CD8A: variants seen among roughly 807,000 people sequenced by gnomAD.
CD8A encodes the protein T-cell surface glycoprotein CD8 alpha chain.
Under a neutral mutation model 24.2 loss-of-function variants are expected in CD8A, and 25 were observed. The observed-to-expected ratio is 1.03, with a 90% confidence interval of 0.75 to 1.44. The LOEUF is 1.44. Ranked by LOEUF, CD8A falls within the 40% of genes most tolerant of loss-of-function variation. The pLI is 0.00. For missense variants in CD8A, 360 were observed against 319.7 expected (o/e 1.13, Z -0.96); for synonymous variants, 165 against 149.9 (o/e 1.10, Z -0.74).
Position 86,789,707 on chromosome 2 carries a change from C to A in CD8A, c.447G>T (p.Ala149=). 1 of 1,392,204 alleles carries A rather than the reference C, an allele frequency of 7.2e-7. No individual in the cohort carries two copies. 86.2% of individuals were successfully genotyped at this position (1,392,204 alleles called of 1,614,324 possible). The change falls in exon 3 of 6, where the codon GCG becomes GCT. Residue 149 remains alanine (A), a synonymous_variant. Coordinates refer to ENST00000283635, the MANE Select transcript of CD8A (RefSeq NM_001768.7). ...TTPAPRPPTP[A]PTIASQPLSL... is the part of the protein sequence containing the mutation. ...ACAGGGGCTGCGACGCGATGGTGGGCGCCGGTGTTGGTGGTCGCGGCGCTG... is the reference window on the plus strand; with the variant it reads ...ACAGGGGCTGCGACGCGATGGTGGGAGCCGGTGTTGGTGGTCGCGGCGCTG...
chr2:86,786,130 C>T (rs1473991219), intron 5 of CD8A, among the ~76,000 whole-genome samples, 159 bp from the exon 6 acceptor site: 1 of 152,248 alleles, frequency 6.6e-6, no homozygotes. Flanking sequence ...CAGCACAGCA[C>T]CCGTGCTAAA....
At position 86,790,423 on chromosome 2, in the gene CD8A, C is replaced by T. The variant is rs1298269444; in HGVS notation, c.308G>A (p.Ser103Asn). The T allele has an allele frequency of 6.2e-7, 1 of 1,614,050 alleles. No homozygotes were observed. The highest frequency in any genetic ancestry group is 1.3e-5 in the African/African-American group (1 of 74,938). ...GCCCTCGTTCTCTCGGCGGAAGTCG[C>T]TCAGGGTGAGGACGAAGGTGTCCCC... ...RLGDTFVLTL[S>N]DFRRENEGYY... is the part of the protein sequence containing the mutation. The change falls in exon 2 of 6, where the codon AGC becomes AAC. Residue 103 changes from serine (S) to asparagine (N), a missense_variant. Transcript: ENST00000283635.
At chr2:86,788,979 C>T (rs942114787) in intron 4 of CD8A, among the ~76,000 whole-genome samples, 5 of 152,306 alleles carry the variant, frequency 3.3e-5, no homozygotes, top group Admixed American at 2.0e-4. Context: ...TTTGACTAAC[C>T]CTCCTGGGCA....
intron 3 of CD8A, among the ~76,000 whole-genome samples, chr2:86,796,840 C>T (rs1016928223): frequency 8.5e-5 from 13 of 152,178 alleles, no homozygotes; most frequent in African/African-American, 2.4e-4. Flanking sequence ...GGTATGATGG[C>T]CTAACTAACC....
chr2:86,808,031 T>G (rs572854849), intron 1 of CD8A: 10 of 152,364 alleles, frequency 6.6e-5, no homozygotes, highest in African/African-American at 1.9e-4. Flanking sequence ...AGCCGCTCAT[T>G]CTGCGCAAAT....
In CD8A at chr2:86,785,708, G is replaced by A. The variant is rs764718190; in HGVS notation, c.*212C>T. The A allele has an allele frequency of 2.8e-6, 2 of 713,992 alleles. No individual in the cohort carries two copies. The highest frequency in any genetic ancestry group is 1.5e-5 in the South Asian group (1 of 68,664). 44.2% of individuals were successfully genotyped at this position (713,992 alleles called of 1,614,324 possible). ...ACCGCGATGTGCGCACAACAGTATTGTGACCCTTGTGGTGTACTGTAGATT... is the reference window on the plus strand; with the variant it reads ...ACCGCGATGTGCGCACAACAGTATTATGACCCTTGTGGTGTACTGTAGATT... On this transcript the variant is annotated 3_prime_UTR_variant, in exon 6 of 6. Transcript: ENST00000283635.
In CD8A at chr2:86,789,631, A is replaced by C. The variant is rs1393330896; in HGVS notation, c.514+9T>G. 5 of 1,491,416 alleles carry C rather than the reference A, an allele frequency of 3.4e-6. No individual in the cohort carries two copies. Among genetic ancestry groups the C allele is most frequent in the Non-Finnish European group, 4.5e-6 (5 of 1,121,858 alleles). The allele number at this position is 1,491,416 out of a possible 1,614,324, so 92.4% of individuals were successfully genotyped here. Reference sequence around the variant, plus strand: ...TGCCGCCCCCGCCCCGGGCCCCCGCACGCCTCACCTGCGCCCCCCGCCGCT... The same window carrying C: ...TGCCGCCCCCGCCCCGGGCCCCCGCCCGCCTCACCTGCGCCCCCCGCCGCT... On this transcript the variant is annotated intron_variant, in intron 3 of 5. Transcript: ENST00000283635.
intron 3 of CD8A, among the ~76,000 whole-genome samples, chr2:86,799,835 CCTCTA>C (rs1453207266): frequency 1.3e-5 from 2 of 152,122 alleles, no homozygotes; most frequent in Non-Finnish European, 2.9e-5. Context: ...GGGCCTCATC[CCTCTA>C]CTCAGCTCTC....
chr2:86,795,669 T>C (rs562530836), upstream of CD8A, among the ~76,000 whole-genome samples: 14 of 152,244 alleles, frequency 9.2e-5, no homozygotes, highest in Non-Finnish European at 1.8e-4. Flanking sequence ...AGTTTCACAG[T>C]GCTTTGCCTA....
At chr2:86,802,810 C>T (rs1466856420) in intron 2 of CD8A, among the ~76,000 whole-genome samples, 2 of 152,036 alleles carry the variant, frequency 1.3e-5, no homozygotes, top group Non-Finnish European at 2.9e-5. Flanking sequence ...GGGATTTCAC[C>T]CCTTTGGCCA....
intron 4 of CD8A, among the ~76,000 whole-genome samples, chr2:86,789,119 C>T (rs1673151268): frequency 1.3e-5 from 2 of 152,218 alleles, no homozygotes; most frequent in South Asian, 4.1e-4. Flanking sequence ...CTTTGTCTCC[C>T]AAAACCTCTC....
chr2:86,799,624 C>T (rs1321258668), intron 3 of CD8A, among the ~76,000 whole-genome samples: 2 of 152,106 alleles, frequency 1.3e-5, no homozygotes, highest in African/African-American at 2.4e-5. Context: ...GGCACGGTGG[C>T]GGGCGCCTGT....
intron 3 of CD8A, among the ~76,000 whole-genome samples, chr2:86,798,636 T>C (rs34256565): frequency 0.2 from 30,415 of 151,986 alleles, 3,300 homozygotes; most frequent in Non-Finnish European, 0.25. Context: ...AATTCTCCTG[T>C]CTCAGCCTCC....
At chr2:86,799,522 C>T (rs188498566) in intron 3 of CD8A, among the ~76,000 whole-genome samples, 6 of 151,538 alleles carry the variant, frequency 4.0e-5, no homozygotes, top group Admixed American at 6.6e-5. Flanking sequence ...TTTGGAAGGC[C>T]GAGGTGGGCG....
At chr2:86,786,565 C>T (rs571589717) in intron 5 of CD8A, among the ~76,000 whole-genome samples, 3 of 152,254 alleles carry the variant, frequency 2.0e-5, no homozygotes, top group South Asian at 2.1e-4. Context: ...TATATTAACT[C>T]GGGTGTTGGA....
At chr2:86,797,078 G>C (rs1185796863) in intron 3 of CD8A, among the ~76,000 whole-genome samples, 1 of 152,226 alleles carries the variant, frequency 6.6e-6, no homozygotes, top group Non-Finnish European at 1.5e-5. Flanking sequence ...GTGAGCAGAA[G>C]GACCTAGATG....
chr2:86,785,614 G>T lies in CD8A; in HGVS notation c.*306C>A, dbSNP rs1672965222. 3 of 600,084 alleles carry T rather than the reference G, an allele frequency of 5.0e-6. No individual in the cohort carries two copies. The East Asian group carries it at 1.1e-4, about 21-fold the overall frequency. 37.2% of individuals were successfully genotyped at this position (600,084 alleles called of 1,614,324 possible). A position where few individuals can be genotyped will look rare whatever the true frequency, so the allele number is the denominator to read the frequency against. The stretch of plus-strand genomic sequence containing the variant: ...GGGAAGAGGTTGAGATGGCATGGGT[G>T]CCTCCAGCTCTCTCAGCATGATTCT... On this transcript the variant is annotated 3_prime_UTR_variant, in exon 6 of 6. Transcript: ENST00000283635.
At position 86,785,907 on chromosome 2, in the gene CD8A, C is replaced by CT; in HGVS notation, c.*12dup. 1 of 1,600,064 alleles carries CT rather than the reference C, an allele frequency of 6.2e-7. No homozygotes were observed. On this transcript the variant is annotated 3_prime_UTR_variant, in exon 6 of 6. Transcript: ENST00000283635. ...ATCTCAGTTTGAAGTAATGTAGTGG[C>CT]TGTTGCACAGGGTTAGACGTATCTC...
intron 5 of CD8A, among the ~76,000 whole-genome samples, chr2:86,787,793 C>T (rs1430371001): frequency 6.6e-6 from 1 of 152,104 alleles, no homozygotes; most frequent in Non-Finnish European, 1.5e-5. Flanking sequence ...AGTATTACCC[C>T]TATCACAGTG....
Sources: gnomAD v4.1 joint callset for allele counts (sites outside exome capture counted in the v4.1 genomes callset) on GRCh38, gnomAD v4.1.1 for gene constraint, MANE v1.5 for transcripts, NCBI Gene and HGNC (gene_info 2026-07-23, HGNC 2026-07-21) for gene names.